The following PUDP variants were observed in gnomAD, a reference collection of about 807,000 sequenced individuals.
The protein encoded by PUDP is pseudouridine 5'-phosphatase.
In PUDP, 8 loss-of-function variants were observed where a neutral mutation model predicts 9.4. The ratio of observed to expected loss-of-function variants is 0.85; its 90% CI spans 0.50 to 1.53. PUDP has a LOEUF of 1.53. PUDP is among the 40% of genes most tolerant of loss of function. PUDP has a pLI of 0.00. For synonymous variants in PUDP, 99 were observed against 80.7 expected, an observed-to-expected ratio of 1.23 and a Z score of -1.22; for missense variants, 188 against 189.7, an observed-to-expected ratio of 0.99 and a Z score of 0.05.
intron 1 of PUDP, among the ~76,000 whole-genome samples, chrX:7,106,915 T>TG (rs1424865578): frequency 1.8e-5 from 2 of 111,776 alleles, no homozygotes; most frequent in African/African-American, 6.5e-5. Context: ...GTAAGCTCCA[T>TG]GGAGCTGAGT....
chrX:7,081,448 C>T (rs969905173), intron 2 of PUDP, among the ~76,000 whole-genome samples: 3 of 112,425 alleles, frequency 2.7e-5, no homozygotes, highest in African/African-American at 6.5e-5. Flanking sequence ...CCACTGTACC[C>T]GGCCGATTAT....
chrX:6,873,623 T>C (rs1456372947), intron 3 of PUDP, among the ~76,000 whole-genome samples: 1 of 111,862 alleles, frequency 8.9e-6, no homozygotes, highest in Non-Finnish European at 1.9e-5. Flanking sequence ...ACTTTAAAAG[T>C]ATGCTAGCTA....
At chrX:7,117,702 CA>C (rs1215022421) in intron 1 of PUDP, among the ~76,000 whole-genome samples, 1 of 113,097 alleles carries the variant, frequency 8.8e-6, no homozygotes, top group Non-Finnish European at 1.9e-5. Flanking sequence ...AACCACTTGC[CA>C]GAGAAATTTG....
intron 3 of PUDP, among the ~76,000 whole-genome samples, chrX:7,052,034 CTT>C (rs368667400): frequency 6.9e-5 from 7 of 100,924 alleles, no homozygotes; most frequent in Admixed American, 2.1e-4. Context: ...TCTGCATTTT[CTT>C]TTTTTTTTTT....
At chrX:6,719,155 C>G (rs1369959507) in intron 1 of PUDP, among the ~76,000 whole-genome samples, 1 of 111,590 alleles carries the variant, frequency 9.0e-6, no homozygotes, top group Non-Finnish European at 1.9e-5. Flanking sequence ...CTCTTATGCT[C>G]TGGAGGCTGG....
At chrX:6,751,233 T>A (rs913512208) in intron 3 of PUDP, among the ~76,000 whole-genome samples, 6 of 111,578 alleles carry the variant, frequency 5.4e-5, no homozygotes, top group Non-Finnish European at 1.1e-4. Context: ...TCATGATGGT[T>A]GCAATTGTGA....
At chrX:7,114,595 A>G (rs927872765) in intron 1 of PUDP, among the ~76,000 whole-genome samples, 6 of 111,282 alleles carry the variant, frequency 5.4e-5, no homozygotes, top group African/African-American at 1.6e-4. Context: ...TTCAAACCAC[A>G]CAGCAGGCCC....
upstream of PUDP, among the ~76,000 whole-genome samples, chrX:6,725,916 A>G (rs934401767): frequency 3.6e-5 from 4 of 111,899 alleles, no homozygotes; most frequent in African/African-American, 1.3e-4. Context: ...ACTACTGGGC[A>G]TCTACCCAAA....
At chrX:6,865,763 T>C (rs990410074) in intron 3 of PUDP, among the ~76,000 whole-genome samples, 1 of 111,124 alleles carries the variant, frequency 9.0e-6, no homozygotes, top group African/African-American at 3.3e-5. Context: ...TATAGACACA[T>C]CTAAGCATGC....
rs534988184 is a variant in PUDP at position 6,780,779 on chromosome X, G to A, written c.*248-74313C>T. ...CCGCCACCACCACCAAAAACAGGCC[G>A]GGTGCAGTGCCTCACGCCTACAATC... On this transcript the variant is annotated intron_variant and NMD_transcript_variant, in intron 3 of 3. Transcript: ENST00000655425. Among the ~76,000 whole-genome samples, 10 of 110,789 alleles carry A rather than the reference G, an allele frequency of 9.0e-5. No homozygotes were observed. In the South Asian group the frequency reaches 3.2e-3, roughly 35 times the overall value.
intron 2 of PUDP, among the ~76,000 whole-genome samples, chrX:7,088,279 AG>A (rs1462235272): frequency 9.0e-6 from 1 of 111,197 alleles, no homozygotes; most frequent in Non-Finnish European, 1.9e-5. Context: ...GGATTTTACC[AG>A]GCTGGTCTCA....
upstream of PUDP, among the ~76,000 whole-genome samples, chrX:6,725,278 T>G (rs1363721452): frequency 8.9e-6 from 1 of 112,271 alleles, no homozygotes; most frequent in African/African-American, 3.2e-5. Flanking sequence ...AGTGCAGTTA[T>G]GTTGCATGGG....
chrX:6,729,882 C>T (rs1337717376), intron 3 of PUDP, among the ~76,000 whole-genome samples: 2 of 111,103 alleles, frequency 1.8e-5, no homozygotes, highest in Non-Finnish European at 3.8e-5. Flanking sequence ...TTAGCCAACC[C>T]GGATTAGTCC....
chrX:6,921,580 G>A (rs966855768), intron 3 of PUDP, among the ~76,000 whole-genome samples: 1 of 109,733 alleles, frequency 9.1e-6, no homozygotes, highest in African/African-American at 3.3e-5. Flanking sequence ...GTACCTCAAT[G>A]GTCTTGTCCT....
At chrX:6,986,831 T>G (rs911759929) in intron 1 of PUDP, among the ~76,000 whole-genome samples, 2 of 112,199 alleles carry the variant, frequency 1.8e-5, no homozygotes, top group African/African-American at 6.5e-5. Flanking sequence ...AAATATAGTT[T>G]TAGAGGTGTC....
At chrX:7,108,593 C>T (rs1931951944) in intron 1 of PUDP, among the ~76,000 whole-genome samples, 1 of 112,429 alleles carries the variant, frequency 8.9e-6, no homozygotes, top group Non-Finnish European at 1.9e-5. Flanking sequence ...CAAGAAGAGC[C>T]CTCCTCTGTT....
At chrX:7,008,260 G>A (rs1436315316) in intron 1 of PUDP, among the ~76,000 whole-genome samples, 1 of 111,351 alleles carries the variant, frequency 9.0e-6, no homozygotes, top group African/African-American at 3.3e-5. Context: ...CACTGCACCT[G>A]GCCAAAAAAA....
chrX:6,798,859 C>T (rs755504728), intron 3 of PUDP, among the ~76,000 whole-genome samples: 23 of 112,265 alleles, frequency 2.0e-4, no homozygotes, highest in Admixed American at 1.2e-3. Context: ...GATCATAGCT[C>T]ACTGCAGCCT....
rs1040423481 is a variant in PUDP, at chrX:6,739,024, G to A, written c.*248-32558C>T. On this transcript the variant is annotated intron_variant and NMD_transcript_variant, in intron 3 of 3. Transcript: ENST00000655425. ...GTCACCATTTCCTGCAGCCCTGAGT[G>A]CCTCTAGTAGCTAGTGAGGGGGACA... Among the ~76,000 whole-genome samples the A allele has an allele frequency of 3.6e-5, 4 of 111,566 alleles. 1 individual carries two copies. Among genetic ancestry groups the A allele is most frequent in the Admixed American group, 2.9e-4 (3 of 10,507 alleles).
Sources: allele counts gnomAD v4.1 joint callset (sites outside exome capture counted in the v4.1 genomes callset), GRCh38; gene constraint gnomAD v4.1.1; transcripts MANE v1.5; gene names NCBI Gene and HGNC (gene_info 2026-07-23, HGNC 2026-07-21).